Variants in NFASC observed in about 807,000 individuals in gnomAD.
NFASC encodes the protein neurofascin, also known as neurofascin homolog.
In NFASC, 43 loss-of-function variants were observed where a neutral mutation model predicts 147.5. The observed-to-expected ratio is 0.29, with a 90% CI of 0.23 to 0.38. The LOEUF (loss-of-function observed/expected upper bound fraction) is 0.38. Among genes scored for constraint, NFASC ranks in the 10% least tolerant of loss-of-function variants. NFASC has a pLI of 1.00. For missense variants in NFASC, 1,320 were observed against 1,689.0 expected, an observed-to-expected ratio of 0.78 and a Z score of 3.83; for synonymous variants, 622 against 665.5, an observed-to-expected ratio of 0.93 and a Z score of 1.01.
chr1:205,017,858 A>G lies in NFASC; in HGVS notation c.*1319A>G, dbSNP rs80070874. On this transcript the variant is annotated 3_prime_UTR_variant, in exon 30 of 30. Transcript: ENST00000339876. ...GATGCCCCCACCTAGGGAGGACTCA[A>G]TGCTCTTTGTATGCCTTATGCAGCG... 3.5e-3 allele frequency: 532 copies of G among 152,760 alleles called. 2 individuals carry two copies. Among genetic ancestry groups the G allele is most frequent in the Non-Finnish European group, 4.3e-3 (290 of 68,076 alleles). 9.5% of individuals were successfully genotyped at this position (152,760 alleles called of 1,614,324 possible). A position where few individuals can be genotyped will look rare whatever the true frequency, so the allele number is the denominator to read the frequency against.
intron 15 of NFASC, among the ~76,000 whole-genome samples, chr1:204,976,333 C>G (rs1160508244): frequency 6.6e-6 from 1 of 152,198 alleles, no homozygotes; most frequent in Non-Finnish European, 1.5e-5. Context: ...ACCAACCTAC[C>G]TTGGGGTCAT....
chr1:204,921,937 C>T (rs2090568397), intron 2 of NFASC, among the ~76,000 whole-genome samples: 2 of 152,076 alleles, frequency 1.3e-5, no homozygotes, highest in South Asian at 4.1e-4. Context: ...TGGGAAATTC[C>T]TCTGACCTTA....
At position 204,974,234 on chromosome 1, in the gene NFASC, C is replaced by T. The variant is rs147248519; in HGVS notation, c.1335C>T (p.Tyr445=). The change falls in exon 13 of 30, where the codon TAC becomes TAT. Residue 445 remains tyrosine (Y), a synonymous_variant. Coordinates refer to ENST00000339876, the MANE Select transcript of NFASC (RefSeq NM_001005388.3). ...ACCAGCTCATTCGAGTGATTCTTTA[C>T]AACCGGACGCGGCTGGACTGCCCTT... ...PRNQLIRVIL[Y]NRTRLDCPFF... is the part of the protein sequence containing the mutation. The T allele has an allele frequency of 0.015, 23,512 of 1,614,148 alleles. 219 individuals carry two copies. The highest frequency in any genetic ancestry group is 0.017 in the Non-Finnish European group (20,479 of 1,179,984).
chr1:204,968,221 C>T lies in NFASC; in HGVS notation c.707-28C>T, dbSNP rs73069110. On this transcript the variant is annotated intron_variant, in intron 8 of 29. Transcript: ENST00000339876. This position sits in a 1 kb window ranked among gnomAD's most constrained non-coding sequence, Gnocchi z 5.4. ...GGGGTCTGCCTTCTGGAAGGAGGCTCATGGGAGTTTGTTCTCTCCTGTTTC... is the reference window on the plus strand; with the variant it reads ...GGGGTCTGCCTTCTGGAAGGAGGCTTATGGGAGTTTGTTCTCTCCTGTTTC... 1.8e-3 allele frequency: 2,748 copies of T among 1,559,218 alleles called. 26 individuals are homozygous for T. The African/African-American group carries it at 0.032, about 18-fold the overall frequency.
intron 3 of NFASC, 49 bp downstream of exon 3, chr1:204,944,455 A>ATG: frequency 7.8e-6 from 3 of 385,416 alleles, no homozygotes; most frequent in Non-Finnish European, 1.5e-5. Flanking sequence ...TTTTGGGCAG[A>ATG]GGGGTGGGAG....
chr1:204,954,300 G>A lies in NFASC; in HGVS notation c.328G>A (p.Glu110Lys). 1 of 1,614,200 alleles carries A rather than the reference G, an allele frequency of 6.2e-7. No individual in the cohort carries two copies. Among genetic ancestry groups the A allele is most frequent in the Non-Finnish European group, 8.5e-7 (1 of 1,180,038 alleles). Reference sequence around the variant, plus strand: ...TGACTTCCGCAGTGGCGGGCGGCCGGAGGAATATGAGGGGGAATATCAGTG... The same window carrying A: ...TGACTTCCGCAGTGGCGGGCGGCCGAAGGAATATGAGGGGGAATATCAGTG... Reference protein sequence around the residue: ...VIDFRSGGRPEEYEGEYQCFA... With the variant: ...VIDFRSGGRPKEYEGEYQCFA... The change falls in exon 6 of 30, where the codon GAG (glutamate) becomes AAG (lysine). Residue 110 changes from glutamate to lysine, a missense_variant. By Grantham distance (56) the Glu-to-Lys change is moderately conservative. Transcript: ENST00000339876. This position sits in a 1 kb window ranked among gnomAD's most constrained non-coding sequence, Gnocchi z 5.7.
chr1:204,829,683 G>T (rs1016799076), intron 1 of NFASC, among the ~76,000 whole-genome samples: 1 of 152,128 alleles, frequency 6.6e-6, no homozygotes, highest in African/African-American at 2.4e-5. Flanking sequence ...GGGGTGCTAG[G>T]CATTGGGAAA....
chr1:204,954,818 C>T lies in NFASC; in HGVS notation c.413-11C>T. ...ACCCTCACTTTATCCTCTTTGTCCA[C>T]TTCTCTCCAGAATCTCCTCTGTGGC... On this transcript the variant is annotated splice_polypyrimidine_tract_variant and intron_variant, in intron 6 of 29. Transcript: ENST00000339876. The surrounding 1 kb of genome is among the most constrained non-coding windows in gnomAD (Gnocchi z 5.7). 1.2e-6 allele frequency: 2 copies of T among 1,614,094 alleles called. 1 individual carries two copies. The highest frequency in any genetic ancestry group is 2.2e-5 in the South Asian group (2 of 91,082).
chr1:205,007,723 A>G (rs2096152672), intron 27 of NFASC, among the ~76,000 whole-genome samples: 1 of 152,182 alleles, frequency 6.6e-6, no homozygotes, highest in Admixed American at 6.5e-5. Context: ...AGTAGGAATG[A>G]GAGCGGCCAG....
intron 1 of NFASC, among the ~76,000 whole-genome samples, chr1:204,875,698 T>C (rs1023199959): frequency 2.0e-5 from 3 of 152,182 alleles, no homozygotes; most frequent in African/African-American, 7.2e-5. Flanking sequence ...GGTCCCCTGC[T>C]GTGGGTTCTT....
At chr1:204,899,843 T>G (rs1383509872) in intron 1 of NFASC, among the ~76,000 whole-genome samples, 1 of 152,206 alleles carries the variant, frequency 6.6e-6, no homozygotes, top group African/African-American at 2.4e-5. Flanking sequence ...CAGGTTCAAC[T>G]CTTGGCTCTA....
At chr1:204,978,022 T>C (rs1485526894) in intron 17 of NFASC, among the ~76,000 whole-genome samples, 1 of 152,212 alleles carries the variant, frequency 6.6e-6, no homozygotes, top group Non-Finnish European at 1.5e-5. Flanking sequence ...CAGCAGTCTT[T>C]CAGGTCCTGT....
At chr1:204,916,411 C>T (rs2089263742) in intron 1 of NFASC, among the ~76,000 whole-genome samples, 1 of 152,222 alleles carries the variant, frequency 6.6e-6, no homozygotes, top group Non-Finnish European at 1.5e-5. Flanking sequence ...GATTATCTGT[C>T]TGTCTATATA....
chr1:204,920,272 A>G (rs1039278339), intron 1 of NFASC, among the ~76,000 whole-genome samples: 2 of 152,174 alleles, frequency 1.3e-5, no homozygotes, highest in African/African-American at 4.8e-5. Context: ...TAATGAGATG[A>G]TTATGGGTAA....
chr1:204,882,004 C>T (rs1481268202), intron 1 of NFASC, among the ~76,000 whole-genome samples: 1 of 152,034 alleles, frequency 6.6e-6, no homozygotes, highest in African/African-American at 2.4e-5. Flanking sequence ...GATGTTTCCT[C>T]TTAGTAATTT....
intron 21 of NFASC, chr1:204,984,110 G>A (rs201916774): frequency 3.5e-5 from 56 of 1,614,018 alleles, no homozygotes; most frequent in African/African-American, 4.0e-5. Context: ...CGTCTACTCC[G>A]ACACGGTCCA....
intron 2 of NFASC, among the ~76,000 whole-genome samples, chr1:204,924,045 A>G (rs1375179812): frequency 6.6e-6 from 1 of 152,218 alleles, no homozygotes; most frequent in Non-Finnish European, 1.5e-5. Flanking sequence ...CCTCCACACC[A>G]CTGGAGCTAA....
In NFASC at chr1:204,828,747, G is replaced by C. The variant is rs1372503188; in HGVS notation, c.-235G>C. ...TGGCGGCGCCGGCAGCGGACAGCTCGGACAGCGCCCAGGGCCGGAGCCCGA... is the reference window on the plus strand; with the variant it reads ...TGGCGGCGCCGGCAGCGGACAGCTCCGACAGCGCCCAGGGCCGGAGCCCGA... On this transcript the variant is annotated 5_prime_UTR_variant, in exon 1 of 30. Coordinates refer to ENST00000339876, the MANE Select transcript of NFASC (RefSeq NM_001005388.3). The C allele has an allele frequency of 1.0e-6, 1 of 985,882 alleles. No individual in the cohort carries two copies. Among genetic ancestry groups the C allele is most frequent in the East Asian group, 1.1e-4 (1 of 8,796 alleles). 61.1% of individuals were successfully genotyped at this position (985,882 alleles called of 1,614,324 possible). A position where few individuals can be genotyped will look rare whatever the true frequency, so the allele number is the denominator to read the frequency against.
chr1:204,934,094 C>T (rs957687388), intron 2 of NFASC, among the ~76,000 whole-genome samples: 23 of 148,312 alleles, frequency 1.6e-4, no homozygotes, highest in South Asian at 2.1e-4. Context: ...GCTGAGATCA[C>T]GCTATTGCAC....
Sources: gnomAD v4.1 joint callset for allele counts (sites outside exome capture counted in the v4.1 genomes callset) on GRCh38, gnomAD v4.1.1 for gene constraint, Gnocchi (gnomAD v3.1) non-coding constraint, MANE v1.5 for transcripts, NCBI Gene and HGNC (gene_info 2026-07-23, HGNC 2026-07-21) for gene names.